Variants in TRAF3IP2 observed in about 807,000 individuals in gnomAD.
TRAF3IP2 encodes E3 ubiquitin ligase TRAF3IP2.
In TRAF3IP2, 35 loss-of-function variants were observed where a neutral mutation model predicts 57.9. That is an observed-to-expected ratio of 0.60 (90% CI 0.46 to 0.80). The LOEUF is 0.80. Among genes scored for constraint, TRAF3IP2 ranks in the 30% least tolerant of loss-of-function variants. The pLI is 0.00. For synonymous variants in TRAF3IP2, 251 were observed against 268.9 expected (o/e 0.93, Z 0.65); for missense variants, 556 against 706.4 (o/e 0.79, Z 2.41).
At position 111,577,895 on chromosome 6, in the gene TRAF3IP2, T is replaced by C. The variant is rs568919950; in HGVS notation, c.1023-2074A>G. ...CCCGGCTAATTTTTGTATTTTTTTG[T>C]AGAGATGGGTTTTCGCTATGTTGCC... On this transcript the variant is annotated intron_variant, in intron 3 of 8. Coordinates refer to ENST00000368761, the MANE Select transcript of TRAF3IP2 (RefSeq NM_147686.4). 4.6e-5 allele frequency among the ~76,000 whole-genome samples: 7 copies of C among 152,126 alleles called. No individual in the cohort carries two copies. In the South Asian group the frequency reaches 1.5e-3, roughly 32 times the overall value.
chr6:111,565,929 C>T (rs1290979976), intron 7 of TRAF3IP2, among the ~76,000 whole-genome samples: 3 of 152,146 alleles, frequency 2.0e-5, no homozygotes, highest in Non-Finnish European at 1.5e-5. Flanking sequence ...TGAATAGGGA[C>T]ATTGAGGCAC....
intron 8 of TRAF3IP2, among the ~76,000 whole-genome samples, chr6:111,561,284 A>G (rs1221932220): frequency 1.3e-5 from 2 of 151,948 alleles, no homozygotes; most frequent in Non-Finnish European, 2.9e-5. Flanking sequence ...CACTAAAAAT[A>G]CAAAAATTAG....
At position 111,559,150 on chromosome 6, in the gene TRAF3IP2, T is replaced by A. The variant is rs557516296; in HGVS notation, c.*255A>T. On this transcript the variant is annotated 3_prime_UTR_variant, in exon 9 of 9. Transcript: ENST00000368761. Reference sequence around the variant, plus strand: ...ACATCAAACTGTCAGGAGGAACATATGGGACACTGGCACCTGCAATGGTTT... The same window carrying A: ...ACATCAAACTGTCAGGAGGAACATAAGGGACACTGGCACCTGCAATGGTTT... 1 of 430,974 alleles carries A rather than the reference T, an allele frequency of 2.3e-6. No homozygotes were observed. Among genetic ancestry groups the A allele is most frequent in the Non-Finnish European group, 4.1e-6 (1 of 241,094 alleles). The allele number at this position is 430,974 out of a possible 1,614,324, so 26.7% of individuals were successfully genotyped here.
intron 4 of TRAF3IP2, 45 bp downstream of exon 4, chr6:111,575,587 CAAAAAAAAAAA>C (rs60481646): frequency 2.1e-5 from 29 of 1,369,716 alleles, no homozygotes; most frequent in Non-Finnish European, 2.7e-5. Flanking sequence ...GACTCCGTCT[CAAAAAAAAAAA>C]AAAAAAAAAA....
intron 5 of TRAF3IP2, among the ~76,000 whole-genome samples, chr6:111,572,225 TGTG>T (rs1795853145): frequency 6.6e-6 from 1 of 152,184 alleles, no homozygotes. Context: ...TAAGCTGTAC[TGTG>T]TCAAGGGACT....
intron 1 of TRAF3IP2, among the ~76,000 whole-genome samples, chr6:111,593,226 C>T (rs1034587790): frequency 3.9e-5 from 6 of 152,182 alleles, no homozygotes; most frequent in Non-Finnish European, 7.3e-5. Flanking sequence ...AAGGCTAGTA[C>T]ACAGCATACT....
chr6:111,587,115 G>C (rs1016937141), intron 2 of TRAF3IP2: 1 of 152,264 alleles, frequency 6.6e-6, no homozygotes, highest in East Asian at 1.9e-4. Flanking sequence ...ATGGGAGCCA[G>C]GGCCAAGGGA....
At position 111,567,297 on chromosome 6, in the gene TRAF3IP2, C is replaced by T. The variant is rs112619881; in HGVS notation, c.1359+327G>A. The stretch of plus-strand genomic sequence containing the variant: ...AATTCTACAAAACACTTGGGGTGGC[C>T]TCAGATTAAATTGAATTCTGCTGCT... On this transcript the variant is annotated intron_variant, in intron 6 of 8. Transcript: ENST00000368761. The T allele has an allele frequency of 2.6e-3, 2,732 of 1,061,846 alleles. 53 individuals carry two copies. In the African/African-American group the frequency reaches 0.041, roughly 16 times the overall value. The allele number at this position is 1,061,846 out of a possible 1,614,324, so 65.8% of individuals were successfully genotyped here.
intron 5 of TRAF3IP2, among the ~76,000 whole-genome samples, chr6:111,569,003 T>C (rs184309104): frequency 2.6e-5 from 4 of 152,356 alleles, no homozygotes; most frequent in African/African-American, 9.6e-5. Context: ...TTCAACCTGA[T>C]GCTAAGCCTC....
chr6:111,571,086 T>C (rs952709024), intron 5 of TRAF3IP2, among the ~76,000 whole-genome samples: 18 of 150,668 alleles, frequency 1.2e-4, no homozygotes. Context: ...TTCTTTTTTT[T>C]TTTTTTTGAG....
chr6:111,602,416 G>A (rs866343181), intron 1 of TRAF3IP2: 1 of 151,744 alleles, frequency 6.6e-6, no homozygotes, highest in Admixed American at 6.6e-5. Flanking sequence ...CCACAGCCAC[G>A]GAGTGAAGGA....
At chr6:111,561,446 A>C (rs747929894) in intron 8 of TRAF3IP2, among the ~76,000 whole-genome samples, 26 of 152,118 alleles carry the variant, frequency 1.7e-4, no homozygotes, top group African/African-American at 4.6e-4. Flanking sequence ...CTCAAAACAA[A>C]CAACCAAAAG....
rs550537173 is a variant in TRAF3IP2 at position 111,599,031 on chromosome 6, T to C, written c.-9+6745A>G. Among the ~76,000 whole-genome samples the C allele has an allele frequency of 1.6e-4, 25 of 151,922 alleles. No homozygotes were observed. In the South Asian group the frequency reaches 2.1e-3, roughly 13 times the overall value. The stretch of plus-strand genomic sequence containing the variant: ...CCTCCCACCTTAGCCTCCCATATTG[T>C]TGGGACCACAGGCATGCACCACCAC... On this transcript the variant is annotated intron_variant, in intron 1 of 8. Transcript: ENST00000368761.
At chr6:111,567,821 C>A (rs1306622561) in intron 5 of TRAF3IP2, 129 bp from the exon 6 acceptor site, 4 of 604,718 alleles carry the variant, frequency 6.6e-6, no homozygotes, top group African/African-American at 1.9e-5. Flanking sequence ...CAAGAAGGAG[C>A]ACATAGGTCT....
At chr6:111,579,803 A>C (rs1796101536) in intron 3 of TRAF3IP2, among the ~76,000 whole-genome samples, 2 of 152,234 alleles carry the variant, frequency 1.3e-5, no homozygotes, top group South Asian at 4.1e-4. Context: ...TAAAGTAAGA[A>C]ATAGGCTTAA....
At chr6:111,594,386 A>G (rs1583242999) in intron 1 of TRAF3IP2, 1 of 331,850 alleles carries the variant, frequency 3.0e-6, no homozygotes, top group South Asian at 2.3e-5. Context: ...TTGCCATGGG[A>G]TTTGCTTTCA....
chr6:111,590,239 G>C (rs569535450), intron 2 of TRAF3IP2, among the ~76,000 whole-genome samples: 9 of 152,340 alleles, frequency 5.9e-5, no homozygotes, highest in Non-Finnish European at 1.0e-4. Context: ...GGGGAATTAT[G>C]AATTGAAAGT....
At position 111,580,371 on chromosome 6, in the gene TRAF3IP2, C is replaced by T. The variant is rs894832669; in HGVS notation, c.848G>A (p.Arg283Gln). ...HQVPYGHDYP[R>Q]AAYQQVIQPA... The stretch of plus-strand genomic sequence containing the variant: ...CTGGATCACTTGCTGGTAGGCTGCT[C>T]GAGGGTAGTCATGGCCATCTGTAGG... Residue 283 changes from arginine to glutamine, a missense_variant, in exon 3 of 9, where the codon CGA becomes CAA. Arg to Gln is a conservative substitution (Grantham distance 43, BLOSUM62 1). Coordinates refer to ENST00000368761, the MANE Select transcript of TRAF3IP2 (RefSeq NM_147686.4). 2 of 1,561,674 alleles carry T rather than the reference C, an allele frequency of 1.3e-6. No homozygotes were observed. Among genetic ancestry groups the T allele is most frequent in the Non-Finnish European group, 1.7e-6 (2 of 1,159,098 alleles).
At position 111,592,784 on chromosome 6, in the gene TRAF3IP2, C is replaced by T. The variant is rs1182329212; in HGVS notation, c.-8-690G>A. 4.0e-5 allele frequency among the ~76,000 whole-genome samples: 6 copies of T among 151,890 alleles called. 1 individual carries two copies. The South Asian group carries it at 1.0e-3, about 26-fold the overall frequency. ...TTTTTTTTAAGCAAAGAAAGCAAGC[C>T]CAAGTTTAAAACACATTGAAAAAAG... is the stretch of plus-strand genomic sequence containing the variant. On this transcript the variant is annotated intron_variant, in intron 1 of 8. Coordinates refer to ENST00000368761, the MANE Select transcript of TRAF3IP2 (RefSeq NM_147686.4).
Sources: allele counts gnomAD v4.1 joint callset (sites outside exome capture counted in the v4.1 genomes callset), GRCh38; gene constraint gnomAD v4.1.1; transcripts MANE v1.5; gene names NCBI Gene and HGNC (gene_info 2026-07-23, HGNC 2026-07-21).